Variants in PLEC observed in about 807,000 individuals in gnomAD.
The protein encoded by PLEC is hemidesmosomal protein 1.
A neutral mutation model predicts 392.8 loss-of-function variants in PLEC; 216 were observed. That is an observed-to-expected ratio of 0.55 (90% confidence interval 0.49 to 0.62). The LOEUF (loss-of-function observed/expected upper bound fraction) is 0.62. Among genes scored for constraint, PLEC ranks in the 20% least tolerant of loss-of-function variants. The pLI, the probability that PLEC is intolerant of heterozygous loss-of-function variation, is 0.00. For missense variants in PLEC, 6,863 were observed against 6,563.4 expected (o/e 1.05, Z -1.58); for synonymous variants, 3,621 against 2,980.6 (o/e 1.21, Z -7.00).
rs1821747909 is a variant in PLEC at position 143,919,400 on chromosome 8, A to C, written c.10421T>G (p.Ile3474Ser). 2 of 1,613,470 alleles carry C rather than the reference A, an allele frequency of 1.2e-6. No homozygotes were observed. Among genetic ancestry groups the C allele is most frequent in the East Asian group, 4.5e-5 (2 of 44,858 alleles). Residue 3474 changes from isoleucine (I) to serine (S), a missense_variant, in exon 32 of 32, where the codon ATC becomes AGC. By Grantham distance (142) the Ile-to-Ser change is moderately radical (BLOSUM62 -2). Transcript: ENST00000345136. ...LLEAQIATGG[I>S]IDPVHSHRVP... ...GCGGTGGCTGTGCACGGGGTCGATG[A>C]TGCCGCCCGTGGCGATCTGGGCCTC...
chr8:143,932,225 G>C lies in PLEC; in HGVS notation c.1987C>G (p.Arg663Gly), dbSNP rs372672134. The stretch of plus-strand genomic sequence containing the variant: ...TTCTTCTCCTTCAGCTCCAGCTCCC[G>C]CATCAGCGCCTGGCACCAGAGCAAA... ...AKKESYSALM[R>G]ELELKEKKIK... is the part of the protein sequence containing the mutation. The change falls in exon 17 of 32, where the codon CGG (arginine) becomes GGG (glycine). Residue 663 changes from arginine (R) to glycine (G), a missense_variant. By Grantham distance (125) the Arg-to-Gly change is moderately radical. Coordinates refer to ENST00000345136, the MANE Select transcript of PLEC (RefSeq NM_201384.3). 1.9e-6 allele frequency: 3 copies of C among 1,612,008 alleles called. No individual in the cohort carries two copies. The highest frequency in any genetic ancestry group is 3.3e-5 in the Admixed American group (2 of 59,988).
chr8:143,953,825 G>C, upstream of PLEC: 3 of 1,607,016 alleles, frequency 1.9e-6, no homozygotes, highest in South Asian at 1.1e-5. Context: ...GTCCAGCCCC[G>C]CACCGCACTG....
At chr8:143,961,970 C>G (rs1257750372) in intron 1 of PLEC, among the ~76,000 whole-genome samples, 1 of 152,106 alleles carries the variant, frequency 6.6e-6, no homozygotes, top group Non-Finnish European at 1.5e-5. Context: ...CCTGTAATCA[C>G]GTGCCCAGCC....
upstream of PLEC, among the ~76,000 whole-genome samples, chr8:143,953,043 G>A (rs1832359052): frequency 8.3e-6 from 1 of 121,036 alleles, no homozygotes; most frequent in East Asian, 2.4e-4. Flanking sequence ...CCCCCCCGAA[G>A]CACACACACC....
In PLEC at chr8:143,925,414, G is replaced by A. The variant is rs375697033; in HGVS notation, c.4515C>T (p.Asp1505=). The stretch of plus-strand genomic sequence containing the variant: ...CCGCCTGCCGCTTACGCTGGCTCTC[G>A]TCCTGCACCTGCCTCCGCAAGCGCT... The part of the protein sequence containing the change: ...EAERLRRQVQ[D]ESQRKRQAEV... The change falls in exon 31 of 32, where the codon GAC becomes GAT. Residue 1505 remains aspartate (D), a synonymous_variant. Coordinates refer to ENST00000345136, the MANE Select transcript of PLEC (RefSeq NM_201384.3). 2.8e-5 allele frequency: 45 copies of A among 1,592,748 alleles called. No homozygotes were observed. In the African/African-American group the frequency reaches 3.9e-4, roughly 14 times the overall value.
At chr8:143,968,308 G>A (rs982902884) in intron 1 of PLEC, among the ~76,000 whole-genome samples, 1 of 151,582 alleles carries the variant, frequency 6.6e-6, no homozygotes, top group Non-Finnish European at 1.5e-5. Flanking sequence ...GGACACCACC[G>A]GCCAGGTGAG....
At chr8:143,935,569 C>T (rs1554722496) in intron 6 of PLEC, among the ~76,000 whole-genome samples, 1 of 152,236 alleles carries the variant, frequency 6.6e-6, no homozygotes, top group African/African-American at 2.4e-5. Flanking sequence ...CAGCCACCCT[C>T]CCCACCAGGC....
rs1258752223 is a variant in PLEC at position 143,921,167 on chromosome 8, G to A, written c.8654C>T (p.Thr2885Met). 23 of 1,613,708 alleles carry A rather than the reference G, an allele frequency of 1.4e-5. No homozygotes were observed. Among genetic ancestry groups the A allele is most frequent in the Middle Eastern group, 1.6e-4 (1 of 6,084 alleles). Residue 2885 changes from threonine to methionine, a missense_variant, in exon 32 of 32, where the codon ACG (threonine) becomes ATG (methionine). Coordinates refer to ENST00000345136, the MANE Select transcript of PLEC (RefSeq NM_201384.3). ...PETGLCLLPL[T>M]DKAAKGGELV... is the part of the protein sequence containing the mutation. ...CTCCCCGCCCTTGGCAGCCTTATCC[G>A]TGAGTGGCAGAAGGCACAGGCCCGT... is the stretch of plus-strand genomic sequence containing the variant.
At position 143,916,314 on chromosome 8, in the gene PLEC, G is replaced by GGCGGGAGCCGGCCCGGGAGCCGGT; in HGVS notation, c.13483_13506dup (p.Thr4495_Arg4502dup). On this transcript the variant is annotated inframe_insertion, in exon 32 of 32. Transcript: ENST00000345136. Reference sequence around the variant, plus strand: ...GAGCCGGTGGCGTCAAAGCTGCCGCGGCGGGAGCCGGCCCGGGAGCCGGTG... The same window carrying GGCGGGAGCCGGCCCGGGAGCCGGT: ...GAGCCGGTGGCGTCAAAGCTGCCGCGGCGGGAGCCGGCCCGGGAGCCGGTGCGGGAGCCGGCCCGGGAGCCGGTG... The GGCGGGAGCCGGCCCGGGAGCCGGT allele has an allele frequency of 6.3e-7, 1 of 1,583,884 alleles. No individual in the cohort carries two copies. Among genetic ancestry groups the GGCGGGAGCCGGCCCGGGAGCCGGT allele is most frequent in the Non-Finnish European group, 8.6e-7 (1 of 1,167,522 alleles).
Position 143,923,231 on chromosome 8 carries a change from A to G in PLEC, c.6698T>C (p.Val2233Ala). The change falls in exon 31 of 32, where the codon GTG (valine) becomes GCG (alanine). Residue 2233 changes from valine (V) to alanine (A), a missense_variant. Val to Ala is a moderately conservative substitution (Grantham distance 64). Coordinates refer to ENST00000345136, the MANE Select transcript of PLEC (RefSeq NM_201384.3). The part of the protein sequence containing the change: ...RSQVEEELFS[V>A]RVQMEELSKL... ...GCTCAGCTCCTCCATCTGCACGCGC[A>G]CCGAGAAGAGCTCCTCCTCCACCTG... The G allele has an allele frequency of 6.2e-7, 1 of 1,603,698 alleles. No individual in the cohort carries two copies. The highest frequency in any genetic ancestry group is 8.5e-7 in the Non-Finnish European group (1 of 1,179,860).
intron 5 of PLEC, 70 bp from the exon 6 acceptor site, chr8:143,936,084 T>C (rs1828977095): frequency 3.2e-6 from 5 of 1,559,294 alleles, no homozygotes; most frequent in Middle Eastern, 1.7e-4. Context: ...CACAGCCACA[T>C]GCACAGGGGC....
chr8:143,956,752 C>CT (rs1832617136), upstream of PLEC, among the ~76,000 whole-genome samples: 2 of 152,178 alleles, frequency 1.3e-5, no homozygotes, highest in African/African-American at 4.8e-5. Context: ...AGAGGCTTAT[C>CT]GACAAGCTGC....
In PLEC at chr8:143,921,376, A is replaced by T. The variant is rs371421350; in HGVS notation, c.8445T>A (p.Val2815=). The T allele has an allele frequency of 8.7e-6, 14 of 1,613,214 alleles. No individual in the cohort carries two copies. Among genetic ancestry groups the T allele is most frequent in the Non-Finnish European group, 1.1e-5 (13 of 1,179,812 alleles). ...LLEAQIATGG[V]IDPVHSHRVP... is the part of the protein sequence containing the mutation. ...CGCGGTGGCTGTGCACGGGGTCGAT[A>T]ACGCCGCCCGTGGCGATCTGGGCCT... The change falls in exon 32 of 32, where the codon GTT becomes GTA. Residue 2815 remains valine, a synonymous_variant. Transcript: ENST00000345136.
In PLEC at chr8:143,918,414, G is replaced by A; in HGVS notation, c.11407C>T (p.Gln3803Ter). ...TCCACGATGCCGCCGGTGGCCAGCTGGGCATCCAGCAGCCGCAGGGCCTCC... is the reference window on the plus strand; with the variant it reads ...TCCACGATGCCGCCGGTGGCCAGCTAGGCATCCAGCAGCCGCAGGGCCTCC... ...TEEALRLLDAQLATGGIVDPR... is the reference protein window; with the variant it reads ...TEEALRLLDA Residue 3803 changes from glutamine to a stop codon, truncating the protein, a stop_gained, in exon 32 of 32, where the codon CAG becomes TAG. Transcript: ENST00000345136. LOFTEE classifies it high-confidence loss of function. 1 of 1,572,740 alleles carries A rather than the reference G, an allele frequency of 6.4e-7. No homozygotes were observed. The highest frequency in any genetic ancestry group is 8.6e-7 in the Non-Finnish European group (1 of 1,163,296).
At position 143,934,235 on chromosome 8, in the gene PLEC, G is replaced by A. The variant is rs539275455; in HGVS notation, c.1169+83C>T. On this transcript the variant is annotated intron_variant, in intron 11 of 31. Transcript: ENST00000345136. ...GTGGGAGCTTGGGTTCCCCCGCCGG[G>A]GGCGGGGCGGGGAGGGGGGTTTCCT... 7.5e-6 allele frequency: 12 copies of A among 1,595,598 alleles called. No homozygotes were observed. The African/African-American group carries it at 1.6e-4, about 21-fold the overall frequency.
chr8:143,934,251 G>C, intron 11 of PLEC, 67 bp downstream of exon 11: 1 of 1,604,924 alleles, frequency 6.2e-7, no homozygotes, highest in South Asian at 1.1e-5. Flanking sequence ...GGCGGGGAGG[G>C]GGGTTTCCTT....
chr8:143,965,791 G>A (rs1833058043), intron 1 of PLEC, among the ~76,000 whole-genome samples: 1 of 152,198 alleles, frequency 6.6e-6, no homozygotes, highest in Non-Finnish European at 1.5e-5. Flanking sequence ...CTGATGATGT[G>A]TGGCTGGGTA....
Position 143,920,399 on chromosome 8 carries a change from C to T in PLEC, c.9422G>A (p.Gly3141Asp), listed in dbSNP as rs1554681617. The T allele has an allele frequency of 1.3e-6, 2 of 1,592,380 alleles. No homozygotes were observed. Among genetic ancestry groups the T allele is most frequent in the Non-Finnish European group, 1.7e-6 (2 of 1,172,508 alleles). ...GCTCTTGCTGGGGTCCACGATGCCGCCCGTGGACAGCTGGGCGTCCAACAG... is the reference window on the plus strand; with the variant it reads ...GCTCTTGCTGGGGTCCACGATGCCGTCCGTGGACAGCTGGGCGTCCAACAG... ...LRLLDAQLST[G>D]GIVDPSKSHR... Residue 3141 changes from glycine to aspartate, a missense_variant, in exon 32 of 32, where the codon GGC becomes GAC. By Grantham distance (94) the Gly-to-Asp change is moderately conservative. Transcript: ENST00000345136.
chr8:143,924,001 C>G lies in PLEC; in HGVS notation c.5928G>C (p.Ala1976=). 6.3e-7 allele frequency: 1 copy of G among 1,588,716 alleles called. No individual in the cohort carries two copies. The highest frequency in any genetic ancestry group is 1.7e-5 in the Admixed American group (1 of 59,144). ...ELEAARQRQL[A]AEEERRRREA... ...CACGGCGCCGCCGCTCCTCCTCCGC[C>G]GCCAGCTGCCGCTGCCTCGCAGCCT... The change falls in exon 31 of 32, where the codon GCG becomes GCC. Residue 1976 remains alanine (A), a synonymous_variant. Transcript: ENST00000345136.
Sources: allele counts gnomAD v4.1 joint callset (sites outside exome capture counted in the v4.1 genomes callset), GRCh38; gene constraint gnomAD v4.1.1; transcripts MANE v1.5; gene names NCBI Gene and HGNC (gene_info 2026-07-23, HGNC 2026-07-21).